ISOC1: variants seen among roughly 807,000 people sequenced by gnomAD.
The protein encoded by ISOC1 is isochorismatase domain containing 1.
In ISOC1, 33 loss-of-function variants were observed where a neutral mutation model predicts 30.0. The ratio of observed to expected loss-of-function variants is 1.10; its 90% CI spans 0.83 to 1.47. The LOEUF (loss-of-function observed/expected upper bound fraction) is 1.47, where lower values mean the gene tolerates loss of function less well. ISOC1 is among the 40% of genes most tolerant of loss of function. ISOC1 has a pLI of 0.00. For missense variants in ISOC1, 372 were observed against 388.0 expected (o/e 0.96, Z 0.35); for synonymous variants, 178 against 159.8 (o/e 1.11, Z -0.86).
intron 1 of ISOC1, among the ~76,000 whole-genome samples, 165 bp from the exon 2 acceptor site, chr5:129,104,791 G>GTT (rs575687454): frequency 0.022 from 3,195 of 147,738 alleles, 48 homozygotes; most frequent in African/African-American, 0.05. Flanking sequence ...ATCTTTTTGA[G>GTT]TTTTTTTTTT....
intron 4 of ISOC1, among the ~76,000 whole-genome samples, chr5:129,111,183 A>T (rs1753704626): frequency 6.6e-6 from 1 of 152,158 alleles, no homozygotes; most frequent in South Asian, 2.1e-4. Context: ...GTCTTAAAAA[A>T]ATACTCAGAG....
chr5:129,110,665 T>G (rs995517799), intron 4 of ISOC1, among the ~76,000 whole-genome samples: 2 of 152,186 alleles, frequency 1.3e-5, no homozygotes, highest in Non-Finnish European at 2.9e-5. Context: ...CACCTGAGTC[T>G]CAGCATCACT....
Position 129,095,081 on chromosome 5 carries a change from T to C in ISOC1, c.309+6T>C. ...TCGTGCCGTTGCAGATCCAGGTGGG[T>C]CCTGCGGGAGGCCGCGCGCTTCCCT... is the stretch of plus-strand genomic sequence containing the variant. On this transcript the variant is annotated splice_donor_region_variant and intron_variant, in intron 1 of 4. Transcript: ENST00000173527. 1 of 1,548,900 alleles carries C rather than the reference T, an allele frequency of 6.5e-7. No homozygotes were observed. The highest frequency in any genetic ancestry group is 1.2e-5 in the South Asian group (1 of 84,220).
chr5:129,096,352 C>T (rs1434144696), intron 1 of ISOC1, among the ~76,000 whole-genome samples: 1 of 152,090 alleles, frequency 6.6e-6, no homozygotes, highest in African/African-American at 2.4e-5. Context: ...GGATTATTCC[C>T]TAGTTTTTTT....
chr5:129,096,621 G>C (rs1038332659), intron 1 of ISOC1, among the ~76,000 whole-genome samples: 1 of 152,112 alleles, frequency 6.6e-6, no homozygotes, highest in Admixed American at 6.5e-5. Context: ...AAGCGTTTTC[G>C]TGTCTGACAC....
Position 129,105,232 on chromosome 5 carries a change from A to G in ISOC1, c.477A>G (p.Gln159=), listed in dbSNP as rs2150171332. 2 of 1,613,938 alleles carry G rather than the reference A, an allele frequency of 1.2e-6. No individual in the cohort carries two copies. The highest frequency in any genetic ancestry group is 2.2e-5 in the East Asian group (1 of 44,856). Residue 159 remains glutamine, a synonymous_variant, in exon 3 of 5, where the codon CAA becomes CAG. Coordinates refer to ENST00000173527, the MANE Select transcript of ISOC1 (RefSeq NM_016048.2). The part of the protein sequence containing the change: ...ILGIPVIVTE[Q]YPKGLGSTVQ... ...GAATTCCTGTTATTGTAACAGAACA[A>G]TACCCTAAAGGTCTTGGGAGCACGG...
chr5:129,112,511 A>G (rs1753720483), intron 4 of ISOC1, among the ~76,000 whole-genome samples: 1 of 152,196 alleles, frequency 6.6e-6, no homozygotes, highest in Non-Finnish European at 1.5e-5. Context: ...ATGTTCAGTG[A>G]TGGGCACGTA....
At chr5:129,095,442 TG>T (rs1753484241) in intron 1 of ISOC1, among the ~76,000 whole-genome samples, 1 of 152,316 alleles carries the variant, frequency 6.6e-6, no homozygotes, top group Non-Finnish European at 1.5e-5. Context: ...GTTTTTATTT[TG>T]GGGTGATGGG....
intron 1 of ISOC1, among the ~76,000 whole-genome samples, chr5:129,098,340 G>T (rs1429483569): frequency 6.6e-6 from 1 of 152,168 alleles, no homozygotes; most frequent in Admixed American, 6.5e-5. Flanking sequence ...GTAGATGAAG[G>T]CATAGCTCAT....
intron 1 of ISOC1, among the ~76,000 whole-genome samples, chr5:129,095,584 C>T (rs1016040450): frequency 2.4e-4 from 36 of 152,312 alleles, no homozygotes; most frequent in African/African-American, 8.4e-4. Flanking sequence ...TTCCCAGGCT[C>T]TCAGGTCCTT....
At position 129,108,808 on chromosome 5, in the gene ISOC1, G is replaced by A. The variant is rs1391614355; in HGVS notation, c.750+1746G>A. ...ATTACAGGTGTGAACCACTGTGCCC[G>A]GTCAGACCTTTAATCTATTCTTATA... On this transcript the variant is annotated intron_variant, in intron 4 of 4. Coordinates refer to ENST00000173527, the MANE Select transcript of ISOC1 (RefSeq NM_016048.2). Among the ~76,000 whole-genome samples the A allele has an allele frequency of 6.6e-5, 10 of 152,176 alleles. No individual in the cohort carries two copies. The South Asian group carries it at 1.2e-3, about 19-fold the overall frequency.
At position 129,105,090 on chromosome 5, in the gene ISOC1, T is replaced by A. The variant is rs1753619077; in HGVS notation, c.429+15T>A. ...GACAGAGATTGGTATGCTTGTTTAC[T>A]TATTTGGTCATATTTGCTGAATCAT... On this transcript the variant is annotated intron_variant, in intron 2 of 4. Transcript: ENST00000173527. 4 of 1,613,852 alleles carry A rather than the reference T, an allele frequency of 2.5e-6. No homozygotes were observed. The highest frequency in any genetic ancestry group is 3.4e-6 in the Non-Finnish European group (4 of 1,179,754).
intron 4 of ISOC1, among the ~76,000 whole-genome samples, chr5:129,109,135 G>A (rs1753672985): frequency 6.6e-6 from 1 of 150,402 alleles, no homozygotes; most frequent in Non-Finnish European, 1.5e-5. Flanking sequence ...CTTTGCACAA[G>A]ACTCAAGATT....
At chr5:129,099,773 G>A (rs2150170377) in intron 1 of ISOC1, among the ~76,000 whole-genome samples, 1 of 152,272 alleles carries the variant, frequency 6.6e-6, no homozygotes, top group Non-Finnish European at 1.5e-5. Context: ...TTTAATATAT[G>A]AGGGACATCA....
chr5:129,094,856 C>A lies in ISOC1; in HGVS notation c.90C>A (p.Phe30Leu). 1.3e-6 allele frequency: 2 copies of A among 1,580,404 alleles called. No individual in the cohort carries two copies. Among genetic ancestry groups the A allele is most frequent in the East Asian group, 2.3e-5 (1 of 43,664 alleles). The change falls in exon 1 of 5, where the codon TTC becomes TTA. Residue 30 changes from phenylalanine (F) to leucine (L), a missense_variant. Phe to Leu is a conservative substitution (Grantham distance 22). Transcript: ENST00000173527. ...CGTCGGGCACAGTCCCGGTGCTCTT[C>A]TGTTTCTCAGTCTTCGCGCGACCCT... is the stretch of plus-strand genomic sequence containing the variant. ...GAPSGTVPVLFCFSVFARPSS... is the reference protein window; with the variant it reads ...GAPSGTVPVLLCFSVFARPSS...
chr5:129,110,380 G>A (rs1004206318), intron 4 of ISOC1, among the ~76,000 whole-genome samples: 1 of 152,166 alleles, frequency 6.6e-6, no homozygotes, highest in Non-Finnish European at 1.5e-5. Flanking sequence ...GACTTGCTAG[G>A]TATGTCTGGA....
chr5:129,105,017 A>G lies in ISOC1; in HGVS notation c.371A>G (p.Glu124Gly). The G allele has an allele frequency of 6.2e-7, 1 of 1,613,888 alleles. No individual in the cohort carries two copies. Among genetic ancestry groups the G allele is most frequent in the East Asian group, 2.2e-5 (1 of 44,878 alleles). ...GTGTTTTTCTGCTGTGATATGCAGG[A>G]AAGGTTCAGACCAGCCATCAAGTAT... is the stretch of plus-strand genomic sequence containing the variant. ...STVFFCCDMQ[E>G]RFRPAIKYFG... Residue 124 changes from glutamate (E) to glycine (G), a missense_variant, in exon 2 of 5, where the codon GAA (glutamate) becomes GGA (glycine). Coordinates refer to ENST00000173527, the MANE Select transcript of ISOC1 (RefSeq NM_016048.2).
intron 1 of ISOC1, among the ~76,000 whole-genome samples, chr5:129,101,293 C>G (rs1343963394): frequency 6.8e-6 from 1 of 146,576 alleles, no homozygotes; most frequent in African/African-American, 2.5e-5. Flanking sequence ...CCCAGGAATT[C>G]AAGACCAGCC....
At chr5:129,097,065 T>A (rs1004457628) in intron 1 of ISOC1, among the ~76,000 whole-genome samples, 16 of 152,210 alleles carry the variant, frequency 1.1e-4, no homozygotes, top group Middle Eastern at 3.4e-3. Context: ...TAGTTCACTT[T>A]TTTTTGGTGA....
Sources: allele counts gnomAD v4.1 joint callset (sites outside exome capture counted in the v4.1 genomes callset), GRCh38; gene constraint gnomAD v4.1.1; transcripts MANE v1.5; gene names NCBI Gene and HGNC (gene_info 2026-07-23, HGNC 2026-07-21).